Variants in PCDH15 observed in about 807,000 individuals in gnomAD.
The protein encoded by PCDH15 is protocadherin-15.
Under a neutral mutation model 178.5 loss-of-function variants are expected in PCDH15, and 129 were observed. The observed-to-expected ratio is 0.72, with a 90% CI of 0.63 to 0.84. The LOEUF (loss-of-function observed/expected upper bound fraction) is 0.84. PCDH15 is among the 40% of genes least tolerant of loss of function. The probability of loss-of-function intolerance (pLI) is 0.00; values close to 1 mark genes in which losing one functional copy is unlikely to be tolerated. For synonymous variants in PCDH15, 800 were observed against 732.0 expected, an observed-to-expected ratio of 1.09 and a Z score of -1.50; for missense variants, 2,230 against 2,099.9, an observed-to-expected ratio of 1.06 and a Z score of -1.21.
intron 2 of PCDH15, among the ~76,000 whole-genome samples, chr10:55,602,856 T>C (rs1049296490): frequency 1.3e-5 from 2 of 152,110 alleles, no homozygotes; most frequent in Non-Finnish European, 2.9e-5. Flanking sequence ...GGAACACAGT[T>C]CCTCACCAGC....
intron 3 of PCDH15, among the ~76,000 whole-genome samples, chr10:54,417,326 A>C (rs1440916408): frequency 6.6e-6 from 1 of 152,090 alleles, no homozygotes; most frequent in East Asian, 1.9e-4. Context: ...AAATACTGGG[A>C]CTTTTCTCTC....
At chr10:53,907,430 C>A (rs1377044637) in intron 25 of PCDH15, among the ~76,000 whole-genome samples, 1 of 152,146 alleles carries the variant, frequency 6.6e-6, no homozygotes, top group Non-Finnish European at 1.5e-5. Context: ...CTCCAGTCTC[C>A]CTTCTGGCTC....
chr10:55,022,708 T>C (rs1200239636), intron 2 of PCDH15, among the ~76,000 whole-genome samples: 1 of 133,438 alleles, frequency 7.5e-6, no homozygotes, highest in Non-Finnish European at 1.6e-5. Context: ...GAATTTTCTT[T>C]TTCTTTTTTT....
chr10:55,089,760 G>C (rs1193358640), intron 2 of PCDH15, among the ~76,000 whole-genome samples: 2 of 152,062 alleles, frequency 1.3e-5, no homozygotes, highest in Admixed American at 6.6e-5. Context: ...TTAAGCCCTG[G>C]TAAATGCTTC....
intron 2 of PCDH15, among the ~76,000 whole-genome samples, chr10:55,482,451 C>T (rs549774746): frequency 2.0e-5 from 3 of 151,864 alleles, no homozygotes; most frequent in African/African-American, 4.8e-5. Context: ...GTAGTGGCTG[C>T]CAATGGGCTT....
At chr10:53,969,864 A>C (rs189804060) in intron 21 of PCDH15, among the ~76,000 whole-genome samples, 84 of 152,318 alleles carry the variant, frequency 5.5e-4, no homozygotes, top group African/African-American at 1.9e-3. Flanking sequence ...AGGAAGCACT[A>C]AACATGGAAA....
intron 2 of PCDH15, among the ~76,000 whole-genome samples, chr10:55,438,133 C>T (rs1478320767): frequency 6.6e-6 from 1 of 151,682 alleles, no homozygotes; most frequent in Non-Finnish European, 1.5e-5. Context: ...CTGCGCCTGG[C>T]CTCTCTTTCT....
At chr10:54,295,375 A>C (rs369116931) in intron 8 of PCDH15, among the ~76,000 whole-genome samples, 1 of 152,218 alleles carries the variant, frequency 6.6e-6, no homozygotes, top group Non-Finnish European at 1.5e-5. Context: ...AAATAAGGGA[A>C]TAAAAGCTGG....
intron 3 of PCDH15, among the ~76,000 whole-genome samples, chr10:54,895,819 G>A (rs531036377): frequency 1.4e-4 from 21 of 152,146 alleles, no homozygotes; most frequent in African/African-American, 5.1e-4. Flanking sequence ...ATACACGTTA[G>A]TCTACTTTTC....
intron 2 of PCDH15, among the ~76,000 whole-genome samples, chr10:55,391,794 C>T (rs1383900097): frequency 6.6e-6 from 1 of 152,148 alleles, no homozygotes; most frequent in Admixed American, 6.5e-5. Flanking sequence ...CCAGAAGTAG[C>T]ATTTTTAATA....
intron 2 of PCDH15, among the ~76,000 whole-genome samples, chr10:55,581,418 T>G (rs2132120605): frequency 2.0e-5 from 3 of 152,028 alleles, no homozygotes; most frequent in Middle Eastern, 6.8e-3. Flanking sequence ...ATTTTCAATC[T>G]AAATAGATAT....
chr10:54,413,317 A>C (rs1953840358), intron 3 of PCDH15, among the ~76,000 whole-genome samples: 1 of 152,144 alleles, frequency 6.6e-6, no homozygotes, highest in Non-Finnish European at 1.5e-5. Context: ...ACTATTTCTC[A>C]AAGTGAAGTC....
chr10:55,358,994 C>A (rs968783710), intron 2 of PCDH15, among the ~76,000 whole-genome samples: 10 of 151,992 alleles, frequency 6.6e-5, no homozygotes, highest in African/African-American at 2.4e-4. Context: ...GACTTCAAGA[C>A]CAGCCTGAGC....
chr10:53,841,952 A>G (rs1255135036), intron 28 of PCDH15, among the ~76,000 whole-genome samples: 1 of 151,376 alleles, frequency 6.6e-6, no homozygotes, highest in African/African-American at 2.4e-5. Context: ...AAAGGGAAAA[A>G]AAAAAAAAAA....
At chr10:53,910,136 A>T (rs774167189) in intron 25 of PCDH15, among the ~76,000 whole-genome samples, 6 of 152,208 alleles carry the variant, frequency 3.9e-5, no homozygotes, top group Non-Finnish European at 8.8e-5. Context: ...CTGGTCTGAC[A>T]GCTCTGAAGA....
intron 2 of PCDH15, among the ~76,000 whole-genome samples, chr10:54,921,645 C>A (rs1172725015): frequency 6.6e-6 from 1 of 152,012 alleles, no homozygotes. Context: ...CATCCATGTT[C>A]TGATAAAAGA....
intron 26 of PCDH15, 47 bp from the exon 27 acceptor site, chr10:53,866,904 A>T: frequency 7.4e-7 from 1 of 1,342,346 alleles, no homozygotes; most frequent in Non-Finnish European, 1.1e-6. Context: ...GCAGGAAAAG[A>T]TAACCCTTAT....
At chr10:53,823,034 C>T (rs773558814) in intron 32 of PCDH15, 1 of 1,613,908 alleles carries the variant, frequency 6.2e-7, no homozygotes, top group Non-Finnish European at 8.5e-7. Context: ...CTCTTGGGCC[C>T]CTCAGAGACT....
At chr10:55,192,523 T>C (rs1003001875) in intron 1 of PCDH15, among the ~76,000 whole-genome samples, 1 of 151,840 alleles carries the variant, frequency 6.6e-6, no homozygotes, top group Non-Finnish European at 1.5e-5. Context: ...CTGCCTTTGA[T>C]AAAGTTTCCT....
Sources: allele counts gnomAD v4.1 joint callset (sites outside exome capture counted in the v4.1 genomes callset), GRCh38; gene constraint gnomAD v4.1.1; transcripts MANE v1.5; gene names NCBI Gene and HGNC (gene_info 2026-07-23, HGNC 2026-07-21).